The following CYLC2 variants were observed in gnomAD, a reference collection of about 807,000 sequenced individuals.
The protein encoded by CYLC2 is cylicin-2.
In CYLC2, 30 loss-of-function variants were observed where a neutral mutation model predicts 26.1. The ratio of observed to expected loss-of-function variants is 1.15; its 90% CI spans 0.86 to 1.56. The LOEUF is 1.56. Among genes scored for constraint, CYLC2 ranks in the 40% most tolerant of loss-of-function variants. The probability of loss-of-function intolerance (pLI) is 0.00; values close to 1 mark genes in which losing one functional copy is unlikely to be tolerated. For missense variants in CYLC2, 498 were observed against 394.4 expected, an observed-to-expected ratio of 1.26 and a Z score of -2.23; for synonymous variants, 158 against 132.8, an observed-to-expected ratio of 1.19 and a Z score of -1.31.
At chr9:103,003,304 A>G in intron 3 of CYLC2, 41 bp downstream of exon 3, 9 of 1,511,406 alleles carry the variant, frequency 6.0e-6, no homozygotes, top group African/African-American at 1.4e-5. Context: ...GTAATAAGTA[A>G]TAACTTAGTA....
chr9:103,015,326 T>C (rs2118276656), intron 6 of CYLC2, among the ~76,000 whole-genome samples: 1 of 131,272 alleles, frequency 7.6e-6, no homozygotes, highest in South Asian at 2.2e-4. Flanking sequence ...ATATAACATA[T>C]ACAATATATT....
chr9:103,000,327 T>A (rs1268547607), intron 1 of CYLC2, among the ~76,000 whole-genome samples: 2 of 151,990 alleles, frequency 1.3e-5, no homozygotes, highest in Non-Finnish European at 2.9e-5. Flanking sequence ...TAGAAGAAAT[T>A]AACAGATCAT....
intron 2 of CYLC2, 92 bp downstream of exon 2, chr9:103,001,710 C>T (rs903645603): frequency 2.5e-5 from 20 of 790,082 alleles, no homozygotes; most frequent in Middle Eastern, 5.0e-4. Context: ...GCAAACATTG[C>T]CATGGAATAA....
chr9:102,998,149 G>C (rs1055840086), intron 1 of CYLC2, among the ~76,000 whole-genome samples: 1 of 151,892 alleles, frequency 6.6e-6, no homozygotes, highest in Non-Finnish European at 1.5e-5. Context: ...TTTAATCTTG[G>C]TAAATATGAG....
intron 6 of CYLC2, among the ~76,000 whole-genome samples, chr9:103,012,935 G>A (rs867574127): frequency 1.3e-5 from 2 of 149,790 alleles, no homozygotes; most frequent in Non-Finnish European, 1.5e-5. Flanking sequence ...TTTGGCATTC[G>A]GAAAAAAAGT....
chr9:103,007,593 T>C (rs993039935), intron 5 of CYLC2, among the ~76,000 whole-genome samples: 3 of 152,168 alleles, frequency 2.0e-5, no homozygotes, highest in Non-Finnish European at 4.4e-5. Context: ...TAAGTCCTGT[T>C]GATTTGAGGA....
At chr9:103,015,272 T>A (rs1829487070) in intron 6 of CYLC2, among the ~76,000 whole-genome samples, 1 of 114,356 alleles carries the variant, frequency 8.7e-6, no homozygotes, top group African/African-American at 3.2e-5. Context: ...TATACATATA[T>A]TTATATATTA....
intron 6 of CYLC2, among the ~76,000 whole-genome samples, chr9:103,013,879 A>C (rs1481455848): frequency 8.8e-6 from 1 of 113,732 alleles, no homozygotes; most frequent in African/African-American, 3.7e-5. Context: ...TATTATACAT[A>C]TAATAAATAA....
intron 6 of CYLC2, among the ~76,000 whole-genome samples, chr9:103,015,412 T>C (rs1419910136): frequency 1.5e-5 from 2 of 135,426 alleles, no homozygotes; most frequent in Non-Finnish European, 3.1e-5. Flanking sequence ...TATTATATAT[T>C]ATATATTATA....
At position 103,005,523 on chromosome 9, in the gene CYLC2, A is replaced by C. The variant is rs759082916; in HGVS notation, c.892A>C (p.Lys298Gln). 1 of 1,612,116 alleles carries C rather than the reference A, an allele frequency of 6.2e-7. No homozygotes were observed. The highest frequency in any genetic ancestry group is 1.1e-5 in the South Asian group (1 of 90,890). ...VKKESKKDAT[K>Q]DAKKVAKKDT... ...GAAAGAGTCTAAGAAGGACGCCACG[A>C]AAGATGCCAAGAAAGTTGCCAAGAA... Residue 298 changes from lysine (K) to glutamine (Q), a missense_variant, in exon 5 of 8, where the codon AAA becomes CAA. Physicochemically the swap from Lys to Gln is moderately conservative, Grantham distance 53. Transcript: ENST00000374798.
chr9:103,005,744 G>A lies in CYLC2; in HGVS notation c.*66G>A, dbSNP rs144603458. 1,385 of 1,490,312 alleles carry A rather than the reference G, an allele frequency of 9.3e-4. 9 individuals carry two copies. In the African/African-American group the frequency reaches 0.018, roughly 19 times the overall value. 92.3% of individuals were successfully genotyped at this position (1,490,312 alleles called of 1,614,324 possible). On this transcript the variant is annotated 3_prime_UTR_variant, in exon 5 of 8. Transcript: ENST00000374798. ...CATATTTGATGAAACAATAGTGGTAGTCTGCAGCTGAATTTGTGAGAAAAC... is the reference window on the plus strand; with the variant it reads ...CATATTTGATGAAACAATAGTGGTAATCTGCAGCTGAATTTGTGAGAAAAC...
intron 6 of CYLC2, among the ~76,000 whole-genome samples, chr9:103,013,306 A>G (rs1829435246): frequency 1.2e-5 from 1 of 81,542 alleles, no homozygotes; most frequent in South Asian, 3.9e-4. Context: ...TTTACATGTT[A>G]TATGTTTATA....
At chr9:102,999,871 T>G (rs1021606438) in intron 1 of CYLC2, among the ~76,000 whole-genome samples, 10 of 151,780 alleles carry the variant, frequency 6.6e-5, no homozygotes, top group Admixed American at 1.3e-4. Flanking sequence ...TTTTTAAATT[T>G]TAAGAAATTA....
intron 1 of CYLC2, among the ~76,000 whole-genome samples, chr9:102,995,688 T>C (rs541862112): frequency 6.6e-6 from 1 of 152,034 alleles, no homozygotes; most frequent in Admixed American, 6.6e-5. Context: ...TTTTGAGTAA[T>C]ATAAAATAAA....
At chr9:103,002,669 T>A (rs1829300696) in intron 2 of CYLC2, among the ~76,000 whole-genome samples, 1 of 152,102 alleles carries the variant, frequency 6.6e-6, no homozygotes, top group Admixed American at 6.5e-5. Flanking sequence ...CTCTTGTAGC[T>A]TGGAAAGTTG....
chr9:103,005,616 A>T lies in CYLC2; in HGVS notation c.985A>T (p.Lys329Ter), dbSNP rs1327205336. The part of the protein sequence containing the change: ...AKKNAKKDAK[K>*]DAKKNAKKDE... ...GAAAAATGCTAAGAAGGATGCAAAG[A>T]AGGATGCAAAGAAGAATGCAAAGAA... Residue 329 changes from lysine to a stop codon, truncating the protein, a stop_gained, in exon 5 of 8, where the codon AAG (lysine) becomes TAG (stop). Transcript: ENST00000374798. LOFTEE classifies it low-confidence loss of function (END_TRUNC). 9.3e-6 allele frequency: 15 copies of T among 1,613,130 alleles called. No individual in the cohort carries two copies. The highest frequency in any genetic ancestry group is 1.3e-5 in the Non-Finnish European group (15 of 1,179,508).
chr9:102,996,120 G>A (rs1219487522), intron 1 of CYLC2, among the ~76,000 whole-genome samples: 1 of 151,754 alleles, frequency 6.6e-6, no homozygotes, highest in African/African-American at 2.4e-5. Flanking sequence ...ATTGTTAAAG[G>A]AAAGATAAAA....
At chr9:103,016,211 A>G (rs1829504551) in intron 6 of CYLC2, among the ~76,000 whole-genome samples, 1 of 151,940 alleles carries the variant, frequency 6.6e-6, no homozygotes, top group South Asian at 2.1e-4. Flanking sequence ...CTGATGGAGC[A>G]TAATGTATAT....
At chr9:103,016,056 C>T (rs1182387950) in intron 6 of CYLC2, among the ~76,000 whole-genome samples, 1 of 151,014 alleles carries the variant, frequency 6.6e-6, no homozygotes, top group Non-Finnish European at 1.5e-5. Context: ...TTCACAGTAT[C>T]AATTATATAT....
Sources: gnomAD v4.1 joint callset for allele counts (sites outside exome capture counted in the v4.1 genomes callset) on GRCh38, gnomAD v4.1.1 for gene constraint, MANE v1.5 for transcripts, NCBI Gene and HGNC (gene_info 2026-07-23, HGNC 2026-07-21) for gene names.